The following GALNTL6 variants were observed in gnomAD, a reference collection of about 807,000 sequenced individuals.
GALNTL6 encodes polypeptide N-acetylgalactosaminyltransferase-like 6.
GALNTL6 carries 46 observed loss-of-function variants against 73.7 expected under a neutral mutation model. The observed-to-expected ratio is 0.62, with a 90% CI of 0.49 to 0.80. GALNTL6 has a LOEUF of 0.80. Among genes scored for constraint, GALNTL6 ranks in the 30% least tolerant of loss-of-function variants. GALNTL6 has a pLI of 0.00. For synonymous variants in GALNTL6, 259 were observed against 263.7 expected (o/e 0.98, Z 0.17); for missense variants, 604 against 755.0 (o/e 0.80, Z 2.34).
intron 9 of GALNTL6, among the ~76,000 whole-genome samples, chr4:172,932,447 T>C (rs758155757): frequency 6.6e-6 from 1 of 152,212 alleles, no homozygotes; most frequent in Non-Finnish European, 1.5e-5. Context: ...CCTTTTTCCC[T>C]TTCTGAGAGT....
At chr4:171,955,488 T>G (rs976063067) in intron 2 of GALNTL6, among the ~76,000 whole-genome samples, 2 of 152,034 alleles carry the variant, frequency 1.3e-5, no homozygotes, top group Non-Finnish European at 2.9e-5. Flanking sequence ...AATCTAAGGA[T>G]GCTGAAGTTC....
At chr4:172,229,043 A>G (rs2110965893) in intron 2 of GALNTL6, among the ~76,000 whole-genome samples, 1 of 152,272 alleles carries the variant, frequency 6.6e-6, no homozygotes, top group Non-Finnish European at 1.5e-5. Flanking sequence ...TCTTAACAGA[A>G]CTGGTCCAAG....
intron 7 of GALNTL6, among the ~76,000 whole-genome samples, chr4:172,863,782 T>C (rs1444221017): frequency 6.6e-6 from 1 of 152,106 alleles, no homozygotes; most frequent in Non-Finnish European, 1.5e-5. Context: ...GCATGATTGG[T>C]TTGGAAATAT....
chr4:172,565,885 G>T (rs986063372), intron 5 of GALNTL6, among the ~76,000 whole-genome samples: 3 of 152,024 alleles, frequency 2.0e-5, no homozygotes, highest in Non-Finnish European at 4.4e-5. Context: ...CAAGAGTGAT[G>T]ATACTTATAT....
In GALNTL6 at chr4:172,398,130, C is replaced by T. The variant is rs1380263916; in HGVS notation, c.553+49441C>T. On this transcript the variant is annotated intron_variant, in intron 5 of 12. Transcript: ENST00000506823. ...TGTTAGTATGATGACAAACTAATTT[C>T]ACATTAACAAAATTCTAGCTGTCAA... 2.0e-5 allele frequency among the ~76,000 whole-genome samples: 3 copies of T among 152,118 alleles called. No individual in the cohort carries two copies. The East Asian group carries it at 5.8e-4, about 29-fold the overall frequency.
intron 2 of GALNTL6, among the ~76,000 whole-genome samples, chr4:171,972,325 T>G (rs1739596935): frequency 6.6e-6 from 1 of 152,200 alleles, no homozygotes; most frequent in Non-Finnish European, 1.5e-5. Context: ...CTATATTATA[T>G]TTCATAAATC....
intron 2 of GALNTL6, among the ~76,000 whole-genome samples, chr4:171,884,032 G>T (rs1736540355): frequency 6.6e-6 from 1 of 152,102 alleles, no homozygotes; most frequent in African/African-American, 2.4e-5. Context: ...TATTTACATA[G>T]AATCCATATT....
Position 173,001,328 on chromosome 4 carries a change from A to C in GALNTL6, c.1372-7850A>C, listed in dbSNP as rs557444454. 6.2e-4 allele frequency among the ~76,000 whole-genome samples: 94 copies of C among 152,306 alleles called. 1 individual carries two copies. Among genetic ancestry groups the C allele is most frequent in the Non-Finnish European group, 1.2e-3 (82 of 68,032 alleles). ...TTTCAAACTAATATATCTACGTGCA[A>C]AAAAATGAGGTTGTAAAATTTACTT... is the stretch of plus-strand genomic sequence containing the variant. On this transcript the variant is annotated intron_variant, in intron 10 of 12. Coordinates refer to ENST00000506823, the MANE Select transcript of GALNTL6 (RefSeq NM_001034845.3).
At position 172,711,542 on chromosome 4, in the gene GALNTL6, C is replaced by T. The variant is rs142712290; in HGVS notation, c.554-97819C>T. Among the ~76,000 whole-genome samples, 187 of 152,128 alleles carry T rather than the reference C, an allele frequency of 1.2e-3. 1 individual carries two copies. Among genetic ancestry groups the T allele is most frequent in the African/African-American group, 4.3e-3 (179 of 41,520 alleles). On this transcript the variant is annotated intron_variant, in intron 5 of 12. Coordinates refer to ENST00000506823, the MANE Select transcript of GALNTL6 (RefSeq NM_001034845.3). ...AAGGGAGTCAAAATTGAATGTGTGC[C>T]GGGTGAACAAGGTAGGGTTCCAGGA...
chr4:172,643,936 A>G (rs982135293), intron 5 of GALNTL6, among the ~76,000 whole-genome samples: 3 of 151,958 alleles, frequency 2.0e-5, no homozygotes, highest in African/African-American at 7.2e-5. Context: ...GTCATGAAGT[A>G]TGCTTATGTT....
intron 2 of GALNTL6, among the ~76,000 whole-genome samples, chr4:172,107,270 G>A (rs942108741): frequency 3.3e-5 from 5 of 152,148 alleles, no homozygotes; most frequent in Non-Finnish European, 7.3e-5. Context: ...ACTAGAAGGT[G>A]GAGATATCAC....
intron 2 of GALNTL6, among the ~76,000 whole-genome samples, chr4:172,010,774 G>T (rs1226468763): frequency 6.6e-6 from 1 of 152,022 alleles, no homozygotes; most frequent in Non-Finnish European, 1.5e-5. Flanking sequence ...TCAAAGAGAT[G>T]AAATTTAAGT....
intron 2 of GALNTL6, among the ~76,000 whole-genome samples, chr4:171,861,273 T>A (rs1735824791): frequency 6.6e-6 from 1 of 152,150 alleles, no homozygotes; most frequent in African/African-American, 2.4e-5. Context: ...GGTTCAATGC[T>A]TTAAAATTAT....
intron 5 of GALNTL6, among the ~76,000 whole-genome samples, chr4:172,785,436 T>C (rs1295361979): frequency 6.6e-6 from 1 of 152,088 alleles, no homozygotes; most frequent in African/African-American, 2.4e-5. Flanking sequence ...AAATCAAATA[T>C]TAAAAATATG....
At position 171,982,451 on chromosome 4, in the gene GALNTL6, C is replaced by T. The variant is rs369502584; in HGVS notation, c.138+167733C>T. On this transcript the variant is annotated intron_variant, in intron 2 of 12. Coordinates refer to ENST00000506823, the MANE Select transcript of GALNTL6 (RefSeq NM_001034845.3). ...TAGCTGGGACTACAGGCGCCCGCCA[C>T]CACGCCCGGCTGATTTTTTTGTATT... Among the ~76,000 whole-genome samples, 35 of 152,164 alleles carry T rather than the reference C, an allele frequency of 2.3e-4. No homozygotes were observed. The East Asian group carries it at 4.7e-3, about 20-fold the overall frequency.
At chr4:172,995,372 A>G (rs372774536) in intron 10 of GALNTL6, among the ~76,000 whole-genome samples, 8 of 152,300 alleles carry the variant, frequency 5.3e-5, no homozygotes, top group Admixed American at 2.6e-4. Context: ...TCTTCCCACA[A>G]TCTGGGAGTG....
chr4:171,942,326 T>C (rs748061408), intron 2 of GALNTL6, among the ~76,000 whole-genome samples: 1 of 151,970 alleles, frequency 6.6e-6, no homozygotes, highest in Non-Finnish European at 1.5e-5. Flanking sequence ...GCTACATGCA[T>C]AACAGGAAGG....
intron 5 of GALNTL6, among the ~76,000 whole-genome samples, chr4:172,588,258 A>T (rs1028148922): frequency 1.3e-5 from 2 of 152,160 alleles, no homozygotes; most frequent in African/African-American, 4.8e-5. Flanking sequence ...CAATTATTTT[A>T]TTTTTAAAAA....
chr4:171,816,117 G>C (rs1326633247), intron 2 of GALNTL6: 1 of 151,882 alleles, frequency 6.6e-6, no homozygotes, highest in Non-Finnish European at 1.5e-5. Flanking sequence ...ATGTAAAACA[G>C]GATTTTAATA....
Sources: allele counts gnomAD v4.1 joint callset (sites outside exome capture counted in the v4.1 genomes callset), GRCh38; gene constraint gnomAD v4.1.1; transcripts MANE v1.5; gene names NCBI Gene and HGNC (gene_info 2026-07-23, HGNC 2026-07-21).